Variants in LARGE1 observed in about 807,000 individuals in gnomAD.
LARGE1 encodes the protein xylosyl- and glucuronyltransferase LARGE1.
In LARGE1, 43 loss-of-function variants were observed where a neutral mutation model predicts 87.6. The observed-to-expected ratio is 0.49, with a 90% CI of 0.38 to 0.63. The LOEUF (loss-of-function observed/expected upper bound fraction) is 0.63, where lower values mean the gene tolerates loss of function less well. LARGE1 is among the 30% of genes least tolerant of loss of function. LARGE1 has a pLI of 0.00. For missense variants in LARGE1, 802 were observed against 1,000.2 expected (o/e 0.80, Z 2.67); for synonymous variants, 434 against 394.6 (o/e 1.10, Z -1.18).
chr22:33,226,741 T>A (rs913920252), intron 11 of LARGE1, among the ~76,000 whole-genome samples: 4 of 151,642 alleles, frequency 2.6e-5, no homozygotes, highest in African/African-American at 4.8e-5. Context: ...TTATTATTTT[T>A]TTTTTTGAGA....
intron 1 of LARGE1, among the ~76,000 whole-genome samples, chr22:33,894,604 T>C (rs572427548): frequency 6.6e-6 from 1 of 152,276 alleles, no homozygotes; most frequent in South Asian, 2.1e-4. Context: ...ACATGGGAGC[T>C]GGCAGAAAAA....
intron 1 of LARGE1, among the ~76,000 whole-genome samples, chr22:33,829,000 C>CTTTTTTTTTTTTTTTTTT: frequency 9.4e-6 from 1 of 106,198 alleles, no homozygotes; most frequent in Non-Finnish European, 1.9e-5. Context: ...TGTGAAGTCT[C>CTTTTTTTTTTTTTTTTTT]TTTTTCTTTT....
At chr22:33,253,709 C>T (rs1288829612) in intron 11 of LARGE1, among the ~76,000 whole-genome samples, 2 of 152,256 alleles carry the variant, frequency 1.3e-5, no homozygotes, top group South Asian at 2.1e-4. Flanking sequence ...GAGACTCCAT[C>T]GCAGGAAGAG....
At chr22:33,178,126 A>G (rs1048754398) in intron 11 of LARGE1, among the ~76,000 whole-genome samples, 3 of 152,214 alleles carry the variant, frequency 2.0e-5, no homozygotes, top group Non-Finnish European at 4.4e-5. Flanking sequence ...ATGTAAAAAC[A>G]GACTAATACA....
At chr22:33,301,264 G>A (rs1014255637) in intron 12 of LARGE1, among the ~76,000 whole-genome samples, 1 of 152,074 alleles carries the variant, frequency 6.6e-6, no homozygotes, top group Non-Finnish European at 1.5e-5. Context: ...TGCTTATTTG[G>A]GGCTTCCGAG....
intron 6 of LARGE1, among the ~76,000 whole-genome samples, chr22:33,491,054 G>C: frequency 6.6e-6 from 1 of 152,130 alleles, no homozygotes; most frequent in Non-Finnish European, 1.5e-5. Flanking sequence ...GACCACCTCA[G>C]CCAGACACAT....
At chr22:33,786,449 C>T (rs570718656) in intron 1 of LARGE1, among the ~76,000 whole-genome samples, 6 of 152,304 alleles carry the variant, frequency 3.9e-5, no homozygotes, top group African/African-American at 1.4e-4. Flanking sequence ...AAAGCTGAGA[C>T]AGGTTACCTG....
At chr22:33,875,512 C>G (rs146351315) in intron 1 of LARGE1, among the ~76,000 whole-genome samples, 1 of 152,326 alleles carries the variant, frequency 6.6e-6, no homozygotes, top group Non-Finnish European at 1.5e-5. Flanking sequence ...CAAGGGGACT[C>G]CAGGCTGAGC....
intron 2 of LARGE1, among the ~76,000 whole-genome samples, chr22:33,652,419 C>T (rs1439050043): frequency 6.6e-6 from 1 of 152,026 alleles, no homozygotes; most frequent in Admixed American, 6.6e-5. Context: ...CTTATATCAC[C>T]TTGTATAAAG....
rs141900003 is a variant in LARGE1, at chr22:33,518,528, C to T, written c.787+46320G>A. ...TTCACCATGTTGGCCAGGCTGATCT[C>T]GAACTCCTGACCTCAGGTGTTGCGC... On this transcript the variant is annotated intron_variant, in intron 6 of 14. Transcript: ENST00000397394. 7.6e-4 allele frequency among the ~76,000 whole-genome samples: 115 copies of T among 152,296 alleles called. No homozygotes were observed. In the East Asian group the frequency reaches 0.017, roughly 23 times the overall value.
chr22:33,468,897 C>T (rs1235893476), intron 6 of LARGE1, among the ~76,000 whole-genome samples: 2 of 152,214 alleles, frequency 1.3e-5, no homozygotes, highest in African/African-American at 2.4e-5. Flanking sequence ...CTCCGACTTA[C>T]ACCTTTTCAC....
In LARGE1 at chr22:33,782,900, G is replaced by GA. The variant is rs1375571951; in HGVS notation, c.-82-21343dup. Among the ~76,000 whole-genome samples, 11 of 134,154 alleles carry GA rather than the reference G, an allele frequency of 8.2e-5. No homozygotes were observed. The Admixed American group carries it at 8.2e-4, about 10-fold the overall frequency. 88.0% of individuals were successfully genotyped at this position (134,154 alleles called of 152,430 possible). A position where few individuals can be genotyped will look rare whatever the true frequency, so the allele number is the denominator to read the frequency against. On this transcript the variant is annotated intron_variant, in intron 1 of 14. Coordinates refer to ENST00000397394, the MANE Select transcript of LARGE1 (RefSeq NM_133642.5). ...AATCAAGTTTAAAAAAAAAAAAAAA[G>GA]AGAGAGAGAGAGGGAGTGTTCCACT...
chr22:33,389,821 G>C (rs2065451266), intron 7 of LARGE1, among the ~76,000 whole-genome samples: 1 of 151,818 alleles, frequency 6.6e-6, no homozygotes, highest in African/African-American at 2.4e-5. Context: ...CTCCAGCCAG[G>C]GTGACAGAAT....
intron 2 of LARGE1, among the ~76,000 whole-genome samples, chr22:33,734,419 G>A (rs2083580789): frequency 6.6e-6 from 1 of 152,144 alleles, no homozygotes; most frequent in South Asian, 2.1e-4. Flanking sequence ...CCATGGGATG[G>A]GGGAGCTGGT....
chr22:33,888,070 A>G (rs1432014646), intron 1 of LARGE1, among the ~76,000 whole-genome samples: 1 of 152,146 alleles, frequency 6.6e-6, no homozygotes, highest in African/African-American at 2.4e-5. Flanking sequence ...ACACTGTGGA[A>G]CCACCAATGC....
chr22:33,515,111 G>T (rs1205664028), intron 6 of LARGE1, among the ~76,000 whole-genome samples: 1 of 150,852 alleles, frequency 6.6e-6, no homozygotes, highest in Non-Finnish European at 1.5e-5. Flanking sequence ...ATTTCAGCAG[G>T]TGTAGCTAAA....
intron 1 of LARGE1, among the ~76,000 whole-genome samples, chr22:33,854,228 A>G (rs993135865): frequency 1.3e-4 from 19 of 151,184 alleles, no homozygotes; most frequent in Admixed American, 2.6e-4. Flanking sequence ...AAAAAAAAAA[A>G]AAAAAAAAAA....
chr22:33,444,974 C>T (rs1023785996), intron 6 of LARGE1, among the ~76,000 whole-genome samples: 11 of 152,120 alleles, frequency 7.2e-5, no homozygotes, highest in South Asian at 2.1e-4. Context: ...GGATTACAGG[C>T]GCGTACCACC....
intron 11 of LARGE1, among the ~76,000 whole-genome samples, chr22:33,216,597 CAA>C (rs71673655): frequency 4.1e-5 from 5 of 122,564 alleles, no homozygotes; most frequent in Admixed American, 1.8e-4. Context: ...CACTCCATCT[CAA>C]AAAAAAAAAA....
Sources: allele counts gnomAD v4.1 joint callset (sites outside exome capture counted in the v4.1 genomes callset), GRCh38; gene constraint gnomAD v4.1.1; transcripts MANE v1.5; gene names NCBI Gene and HGNC (gene_info 2026-07-23, HGNC 2026-07-21).